FAM72B: variants seen among roughly 807,000 people sequenced by gnomAD.
The protein encoded by FAM72B is protein FAM72B.
A neutral mutation model predicts 12.6 loss-of-function variants in FAM72B; 4 were observed. The observed-to-expected ratio is 0.32, with a 90% CI of 0.16 to 0.73. FAM72B has a LOEUF of 0.73. Ranked by LOEUF, FAM72B falls within the 30% of genes least tolerant of loss-of-function variation. The probability of loss-of-function intolerance (pLI) is 0.67; values close to 1 mark genes in which losing one functional copy is unlikely to be tolerated. For missense variants in FAM72B, 61 were observed against 158.4 expected (o/e 0.39, Z 3.30); for synonymous variants, 13 against 53.9 (o/e 0.24, Z 3.32).
chr1:121,168,978 A>C (rs1200083883), intron 3 of FAM72B, 143 bp from the exon 4 acceptor site: 8 of 587,398 alleles, frequency 1.4e-5, no homozygotes, highest in Non-Finnish European at 2.1e-5. Context: ...AATGTACTGC[A>C]AATAAAATTA....
intron 3 of FAM72B, among the ~76,000 whole-genome samples, chr1:121,173,068 A>T (rs1371636099): frequency 2.1e-5 from 3 of 144,050 alleles, no homozygotes; most frequent in East Asian, 2.0e-4. Context: ...CAAGAGTGAA[A>T]CTCTGTCTCA....
intron 3 of FAM72B, among the ~76,000 whole-genome samples, chr1:121,176,800 A>T (rs1177868731): frequency 2.6e-5 from 4 of 152,220 alleles, no homozygotes; most frequent in Non-Finnish European, 5.9e-5. Flanking sequence ...GAGGTTACTT[A>T]GTCCTCCTCC....
chr1:121,174,580 T>A (rs1654169962), intron 3 of FAM72B, among the ~76,000 whole-genome samples: 1 of 150,966 alleles, frequency 6.6e-6, no homozygotes, highest in South Asian at 2.1e-4. Context: ...TTGGTCAGGC[T>A]GGTCTCGAAC....
At chr1:121,179,493 G>A (rs1654284469) in intron 2 of FAM72B, among the ~76,000 whole-genome samples, 1 of 151,450 alleles carries the variant, frequency 6.6e-6, no homozygotes, top group Admixed American at 6.6e-5. Context: ...AGACCAGCCT[G>A]GCTAACATGG....
chr1:121,180,933 T>C (rs1654320391), intron 2 of FAM72B, among the ~76,000 whole-genome samples: 1 of 152,172 alleles, frequency 6.6e-6, no homozygotes, highest in Non-Finnish European at 1.5e-5. Flanking sequence ...CTAAAGGAGT[T>C]CACTCAAGAT....
intron 3 of FAM72B, among the ~76,000 whole-genome samples, chr1:121,169,555 G>A (rs1344743403): frequency 1.3e-5 from 2 of 151,856 alleles, no homozygotes; most frequent in Non-Finnish European, 2.9e-5. Context: ...CTCTTTGGAG[G>A]GTTCAGGGAG....
chr1:121,180,935 A>C (rs1284144482), intron 2 of FAM72B, among the ~76,000 whole-genome samples: 1 of 152,222 alleles, frequency 6.6e-6, no homozygotes, highest in Non-Finnish European at 1.5e-5. Context: ...AAAGGAGTTC[A>C]CTCAAGATCA....
At chr1:121,173,419 C>T (rs1654146965) in intron 3 of FAM72B, among the ~76,000 whole-genome samples, 1 of 142,086 alleles carries the variant, frequency 7.0e-6, no homozygotes, top group Non-Finnish European at 1.5e-5. Flanking sequence ...TTAGTATAGG[C>T]ATACCTCAAT....
At position 121,168,752 on chromosome 1, in the gene FAM72B, A is replaced by G; in HGVS notation, c.439T>C (p.Cys147Arg). 6.3e-7 allele frequency: 1 copy of G among 1,578,246 alleles called. No individual in the cohort carries two copies. The highest frequency in any genetic ancestry group is 8.6e-7 in the Non-Finnish European group (1 of 1,169,360). ...EDVLNISAEE[C>R]IR is the part of the protein sequence containing the mutation. ...TATCATAATTCCATTTATCTAATAC[A>G]CTCCTCTGCTGAGATATTTAACACA... The change falls in exon 4 of 4, where the codon TGT becomes CGT. Residue 147 changes from cysteine to arginine, a missense_variant. Physicochemically the swap from Cys to Arg is radical, Grantham distance 180. This residue lies in a region of FAM72B where 49 missense variants were observed against 80.4 expected (regional missense o/e 0.61). Transcript: ENST00000369390.
At chr1:121,176,839 C>T (rs1234324580) in intron 3 of FAM72B, among the ~76,000 whole-genome samples, 1 of 152,266 alleles carries the variant, frequency 6.6e-6, no homozygotes, top group East Asian at 1.9e-4. Flanking sequence ...TAGGCTTGGC[C>T]TCTCCCTTTC....
chr1:121,173,126 C>G (rs1211406099), intron 3 of FAM72B, among the ~76,000 whole-genome samples: 3 of 147,456 alleles, frequency 2.0e-5, no homozygotes, highest in African/African-American at 5.0e-5. Flanking sequence ...CACCTTAACA[C>G]AAGGAAAAAG....
intron 2 of FAM72B, among the ~76,000 whole-genome samples, chr1:121,178,674 C>G (rs1296644473): frequency 3.0e-4 from 46 of 151,802 alleles, no homozygotes; most frequent in African/African-American, 9.9e-4. Flanking sequence ...CTTTCAGGCA[C>G]TGCTCTAGGT....
intron 3 of FAM72B, among the ~76,000 whole-genome samples, chr1:121,170,036 T>C (rs1413791847): frequency 6.6e-6 from 1 of 152,084 alleles, no homozygotes; most frequent in African/African-American, 2.4e-5. Flanking sequence ...AGTGGTGTAA[T>C]CTTGGCTCAC....
At chr1:121,172,447 GTAT>G (rs1198276091) in intron 3 of FAM72B, among the ~76,000 whole-genome samples, 1 of 140,868 alleles carries the variant, frequency 7.1e-6, no homozygotes, top group African/African-American at 2.9e-5. Context: ...AATATAAAAA[GTAT>G]TATATAAATC....
rs1227965980 is a variant in FAM72B, at chr1:121,183,520, T to C, written c.-31A>G. 1 of 1,553,036 alleles carries C rather than the reference T, an allele frequency of 6.4e-7. No homozygotes were observed. The highest frequency in any genetic ancestry group is 1.4e-5 in the African/African-American group (1 of 71,598). Reference sequence around the variant, plus strand: ...CGCAGGAAGGATGAGGTGTGGGATTTTGAAAAAGGAAACAAGAGTAATGCT... The same window carrying C: ...CGCAGGAAGGATGAGGTGTGGGATTCTGAAAAAGGAAACAAGAGTAATGCT... On this transcript the variant is annotated 5_prime_UTR_variant, in exon 1 of 4. Coordinates refer to ENST00000369390, the MANE Select transcript of FAM72B (RefSeq NM_001100910.2).
chr1:121,168,778 T>C lies in FAM72B; in HGVS notation c.413A>G (p.Asp138Gly), dbSNP rs1654025717. The change falls in exon 4 of 4, where the codon GAT becomes GGT. Residue 138 changes from aspartate (D) to glycine (G), a missense_variant. Asp to Gly is a moderately conservative substitution (Grantham distance 94, BLOSUM62 -1). Around this residue, in one of 2 missense-constraint regions of FAM72B, gnomAD observed 49 missense variants for 80.4 expected, o/e 0.61. Transcript: ENST00000369390. ...LPEIEESTDEDVLNISAEECI... is the reference protein window; with the variant it reads ...LPEIEESTDEGVLNISAEECI... ...CTCCTCTGCTGAGATATTTAACACA[T>C]CTTCATCTGTACTCTCTTCTATCTC... The C allele has an allele frequency of 1.9e-6, 3 of 1,605,284 alleles. No homozygotes were observed. The highest frequency in any genetic ancestry group is 2.5e-6 in the Non-Finnish European group (3 of 1,177,886).
In FAM72B at chr1:121,183,613, A is replaced by G; in HGVS notation, c.-124T>C. On this transcript the variant is annotated 5_prime_UTR_variant, in exon 1 of 4. Transcript: ENST00000369390. ...ACCTAGAGCTTTTCTAAGTCCTAAT[A>G]TTGGGAAGGAAATTAGTTTTTTTTT... is the stretch of plus-strand genomic sequence containing the variant. 2 of 1,576,024 alleles carry G rather than the reference A, an allele frequency of 1.3e-6. No individual in the cohort carries two copies. Among genetic ancestry groups the G allele is most frequent in the Non-Finnish European group, 1.7e-6 (2 of 1,166,854 alleles).
In FAM72B at chr1:121,168,843, T is replaced by C. The variant is rs1553315768; in HGVS notation, c.356-8A>G. 6.2e-7 allele frequency: 1 copy of C among 1,603,722 alleles called. No individual in the cohort carries two copies. The highest frequency in any genetic ancestry group is 1.7e-5 in the Admixed American group (1 of 57,836). Reference sequence around the variant, plus strand: ...AAAGTAGGATGTTTACACCTGAAAATAAAAAATCATAAAATTCTTTAATGC... The same window carrying C: ...AAAGTAGGATGTTTACACCTGAAAACAAAAAATCATAAAATTCTTTAATGC... On this transcript the variant is annotated splice_region_variant and splice_polypyrimidine_tract_variant and intron_variant, in intron 3 of 3. Transcript: ENST00000369390.
chr1:121,173,003 G>A (rs1320246800), intron 3 of FAM72B, among the ~76,000 whole-genome samples: 6 of 136,814 alleles, frequency 4.4e-5, no homozygotes, highest in African/African-American at 1.7e-4. Flanking sequence ...CTTGAACCCG[G>A]GAGGCAGAGG....
Sources: allele counts gnomAD v4.1 joint callset (sites outside exome capture counted in the v4.1 genomes callset), GRCh38; gene constraint gnomAD v4.1.1; regional missense constraint gnomAD v4.1.1; transcripts MANE v1.5; gene names NCBI Gene and HGNC (gene_info 2026-07-23, HGNC 2026-07-21).